CDH13: variants seen among roughly 807,000 people sequenced by gnomAD.
The protein encoded by CDH13 is cadherin 13, also known as cadherin-13.
A neutral mutation model predicts 63.8 loss-of-function variants in CDH13; 24 were observed. The ratio of observed to expected loss-of-function variants is 0.38; its 90% CI spans 0.27 to 0.53. CDH13 has a LOEUF of 0.53. Among genes scored for constraint, CDH13 ranks in the 20% least tolerant of loss-of-function variants. CDH13 has a pLI of 0.85. For missense variants in CDH13, 1,049 were observed against 903.1 expected (o/e 1.16, Z -2.07); for synonymous variants, 503 against 355.3 (o/e 1.42, Z -4.67).
At chr16:82,952,782 G>T (rs958490300) in intron 2 of CDH13, among the ~76,000 whole-genome samples, 1 of 152,166 alleles carries the variant, frequency 6.6e-6, no homozygotes, top group Non-Finnish European at 1.5e-5. Context: ...GCCACAAGAT[G>T]CTTATCTGTA....
chr16:83,368,884 T>TTTTATATATATA (rs1491400736), intron 6 of CDH13, among the ~76,000 whole-genome samples: 2 of 47,700 alleles, frequency 4.2e-5, no homozygotes, highest in Non-Finnish European at 1.1e-4. Flanking sequence ...GTATTCCATG[T>TTTTATATATATA]TATATATATA....
chr16:83,257,078 A>T (rs1906385400), intron 5 of CDH13, among the ~76,000 whole-genome samples: 2 of 152,052 alleles, frequency 1.3e-5, no homozygotes, highest in Non-Finnish European at 1.5e-5. Context: ...ATTTTGAAGG[A>T]ACCATACAGG....
chr16:82,728,160 C>A (rs925602978), intron 1 of CDH13, among the ~76,000 whole-genome samples: 2 of 152,126 alleles, frequency 1.3e-5, no homozygotes, highest in African/African-American at 4.8e-5. Flanking sequence ...ATACAAAGCA[C>A]TCCAAAAATG....
chr16:83,313,956 C>T (rs141866342), intron 5 of CDH13, among the ~76,000 whole-genome samples: 1 of 152,244 alleles, frequency 6.6e-6, no homozygotes, highest in African/African-American at 2.4e-5. Context: ...GTTCATTTGT[C>T]TGTTTCATTA....
At chr16:83,240,281 G>A (rs910760766) in intron 5 of CDH13, among the ~76,000 whole-genome samples, 7 of 152,144 alleles carry the variant, frequency 4.6e-5, no homozygotes, top group Non-Finnish European at 8.8e-5. Flanking sequence ...GCCTGGGAGG[G>A]GGTGGATCAC....
intron 1 of CDH13, among the ~76,000 whole-genome samples, chr16:82,659,501 A>C (rs1470871489): frequency 6.6e-6 from 1 of 152,190 alleles, no homozygotes; most frequent in Non-Finnish European, 1.5e-5. Context: ...TTGGAACAAA[A>C]AATAACGTAA....
intron 4 of CDH13, among the ~76,000 whole-genome samples, chr16:83,199,483 TC>T (rs923150783): frequency 4.6e-5 from 7 of 152,116 alleles, no homozygotes; most frequent in African/African-American, 1.7e-4. Flanking sequence ...CCTCTCTGGG[TC>T]TCCTTAACTG....
At chr16:82,711,063 A>G (rs1431939423) in intron 1 of CDH13, among the ~76,000 whole-genome samples, 1 of 151,778 alleles carries the variant, frequency 6.6e-6, no homozygotes, top group Non-Finnish European at 1.5e-5. Context: ...TGGGCCAGTC[A>G]TTTGCCCGGA....
intron 1 of CDH13, among the ~76,000 whole-genome samples, chr16:82,716,019 C>T (rs569669594): frequency 2.4e-4 from 37 of 152,280 alleles, no homozygotes; most frequent in African/African-American, 4.3e-4. Flanking sequence ...AGTCTGCTGG[C>T]GCTCAGTTCT....
intron 5 of CDH13, among the ~76,000 whole-genome samples, chr16:83,235,222 C>A (rs1229372952): frequency 1.3e-5 from 2 of 152,080 alleles, no homozygotes; most frequent in African/African-American, 2.4e-5. Flanking sequence ...TACATACACA[C>A]ATATATAAAC....
At chr16:82,714,326 A>G (rs1257434296) in intron 1 of CDH13, among the ~76,000 whole-genome samples, 3 of 151,998 alleles carry the variant, frequency 2.0e-5, no homozygotes, top group Non-Finnish European at 4.4e-5. Flanking sequence ...CTGTAAATGT[A>G]ACACTATTTG....
chr16:83,291,188 A>G (rs138513432), intron 5 of CDH13, among the ~76,000 whole-genome samples: 36 of 152,356 alleles, frequency 2.4e-4, no homozygotes, highest in Non-Finnish European at 5.3e-4. Context: ...GAATGGAAGA[A>G]TTAATGGATA....
intron 8 of CDH13, among the ~76,000 whole-genome samples, chr16:83,616,094 C>T (rs1909259083): frequency 6.6e-6 from 1 of 152,112 alleles, no homozygotes; most frequent in Non-Finnish European, 1.5e-5. Flanking sequence ...AAATAGAAGC[C>T]ATCATCCAAG....
At chr16:83,436,664 G>A (rs12148952) in intron 6 of CDH13, among the ~76,000 whole-genome samples, 34,448 of 152,144 alleles carry the variant, frequency 0.23, 4,074 homozygotes, top group East Asian at 0.41. Flanking sequence ...CTATGCAGCC[G>A]TGATGTGCCA....
At chr16:83,480,450 CTCTT>C (rs143415515) in intron 6 of CDH13, among the ~76,000 whole-genome samples, 31,622 of 151,958 alleles carry the variant, frequency 0.21, 3,365 homozygotes, top group Admixed American at 0.26. Context: ...ACACCAGGGT[CTCTT>C]TCTTTGTTAC....
intron 4 of CDH13, among the ~76,000 whole-genome samples, chr16:83,167,003 T>C (rs890966626): frequency 2.0e-5 from 3 of 152,152 alleles, no homozygotes; most frequent in African/African-American, 7.2e-5. Flanking sequence ...ATTTGCTGCA[T>C]TTTTACTTTT....
At chr16:83,301,052 G>C (rs12917629) in intron 5 of CDH13, among the ~76,000 whole-genome samples, 5 of 9,570 alleles carry the variant, frequency 5.2e-4, no homozygotes, top group African/African-American at 1.8e-3. Context: ...TTTTTTTTGA[G>C]ACAGAGCCTC....
intron 10 of CDH13, among the ~76,000 whole-genome samples, chr16:83,691,456 A>T (rs1904873651): frequency 6.6e-6 from 1 of 152,074 alleles, no homozygotes; most frequent in Admixed American, 6.5e-5. Flanking sequence ...TATTGGGAGG[A>T]GTGGCCCTGC....
rs930875389 is a variant in CDH13, at chr16:83,706,761, C to T, written c.1538+28300C>T. Among the ~76,000 whole-genome samples the T allele has an allele frequency of 3.9e-5, 6 of 152,214 alleles. No homozygotes were observed. The South Asian group carries it at 1.0e-3, about 26-fold the overall frequency. ...AGGATGAAGCAAGCTTCAGGAATGC[C>T]GGAAAAAGCTGCTTCAGCGATCTAG... is the stretch of plus-strand genomic sequence containing the variant. On this transcript the variant is annotated intron_variant, in intron 10 of 13. Transcript: ENST00000567109.
Sources: allele counts gnomAD v4.1 joint callset (sites outside exome capture counted in the v4.1 genomes callset), GRCh38; gene constraint gnomAD v4.1.1; transcripts MANE v1.5; gene names NCBI Gene and HGNC (gene_info 2026-07-23, HGNC 2026-07-21).